The following DNAH8 variants were observed in gnomAD, a reference collection of about 807,000 sequenced individuals.
DNAH8 encodes the protein axonemal beta dynein heavy chain 8.
In DNAH8, 382 loss-of-function variants were observed where a neutral mutation model predicts 562.1. That is an observed-to-expected ratio of 0.68 (90% CI 0.63 to 0.74). The LOEUF is 0.74. DNAH8 is among the 30% of genes least tolerant of loss of function. The pLI is 0.00. For missense variants in DNAH8, 5,203 were observed against 5,620.4 expected, an observed-to-expected ratio of 0.93 and a Z score of 2.37; for synonymous variants, 1,881 against 1,919.4, an observed-to-expected ratio of 0.98 and a Z score of 0.52.
At chr6:38,951,964 C>T (rs1761938987) in intron 82 of DNAH8, among the ~76,000 whole-genome samples, 1 of 152,162 alleles carries the variant, frequency 6.6e-6, no homozygotes, top group Non-Finnish European at 1.5e-5. Context: ...AATAACCATT[C>T]AGTACAGGCA....
chr6:38,949,959 A>G (rs1281091551), intron 81 of DNAH8, among the ~76,000 whole-genome samples: 1 of 152,246 alleles, frequency 6.6e-6, no homozygotes, highest in Non-Finnish European at 1.5e-5. Context: ...TCACAAAGTT[A>G]CAAGACAATT....
In DNAH8 at chr6:38,823,663, T is replaced by C. The variant is rs1338876432; in HGVS notation, c.3822T>C (p.Val1274=). The C allele has an allele frequency of 6.2e-7, 1 of 1,602,410 alleles. No homozygotes were observed. The highest frequency in any genetic ancestry group is 1.7e-5 in the Admixed American group (1 of 59,728). ...TTGATGAGTTGAAGCCTATTATTGTTGTAGGAGCACTTGAATTACATACAG... is the reference window on the plus strand; with the variant it reads ...TTGATGAGTTGAAGCCTATTATTGTCGTAGGAGCACTTGAATTACATACAG... ...QEIDELKPII[V]VGALELHTEP... The change falls in exon 28 of 93, where the codon GTT becomes GTC. Residue 1274 remains valine (V), a synonymous_variant. Coordinates refer to ENST00000327475, the MANE Select transcript of DNAH8 (RefSeq NM_001206927.2).
At chr6:38,738,100 C>T (rs1469826445) in intron 7 of DNAH8, 128 bp downstream of exon 7, 9 of 932,914 alleles carry the variant, frequency 9.6e-6, no homozygotes, top group Non-Finnish European at 1.2e-5. Flanking sequence ...TAGTTTGAAA[C>T]TCAGCCAATT....
chr6:38,893,077 CT>C (rs570454955), intron 58 of DNAH8, among the ~76,000 whole-genome samples: 1 of 152,172 alleles, frequency 6.6e-6, no homozygotes, highest in Non-Finnish European at 1.5e-5. Context: ...GCTCTCCCCA[CT>C]GGAATAAAAG....
At chr6:38,974,637 A>C in intron 85 of DNAH8, 108 bp downstream of exon 85, 1 of 842,658 alleles carries the variant, frequency 1.2e-6, no homozygotes, top group Non-Finnish European at 1.9e-6. Flanking sequence ...CTGTCTCCTT[A>C]CTCTCTTTTC....
Position 38,873,505 on chromosome 6 carries a change from G to A in DNAH8, c.7620+129G>A, listed in dbSNP as rs185442702. The stretch of plus-strand genomic sequence containing the variant: ...ATCATTTGATGATGTGGCTGTAAAA[G>A]CTCTGATAATTTTGATTTCTATTAA... On this transcript the variant is annotated intron_variant, in intron 52 of 92. Transcript: ENST00000327475. The A allele has an allele frequency of 1.5e-3, 1,198 of 778,382 alleles. 38 individuals are homozygous for A. The Admixed American group carries it at 0.036, about 23-fold the overall frequency. The allele number at this position is 778,382 out of a possible 1,614,324, so 48.2% of individuals were successfully genotyped here. A position where few individuals can be genotyped will look rare whatever the true frequency, so the allele number is the denominator to read the frequency against.
rs770149516 is a variant in DNAH8, at chr6:38,875,720, A to G, written c.7750A>G (p.Arg2584Gly). 1.2e-6 allele frequency: 2 copies of G among 1,614,068 alleles called. No individual in the cohort carries two copies. Among genetic ancestry groups the G allele is most frequent in the Non-Finnish European group, 1.7e-6 (2 of 1,179,954 alleles). Residue 2584 changes from arginine (R) to glycine (G), a missense_variant, in exon 53 of 93, where the codon AGA (arginine) becomes GGA (glycine). Coordinates refer to ENST00000327475, the MANE Select transcript of DNAH8 (RefSeq NM_001206927.2). Reference sequence around the variant, plus strand: ...AGGAGCCCTTCTGGAATTAGAAAGCAGAGAAAAGCTTGAAGCCTTCTTACG... The same window carrying G: ...AGGAGCCCTTCTGGAATTAGAAAGCGGAGAAAAGCTTGAAGCCTTCTTACG... The part of the protein sequence containing the change: ...SLGALLELES[R>G]EKLEAFLRQH...
intron 73 of DNAH8, among the ~76,000 whole-genome samples, chr6:38,924,452 C>T (rs569531760): frequency 1.8e-4 from 27 of 152,010 alleles, no homozygotes; most frequent in African/African-American, 6.0e-4. Flanking sequence ...GCAATGGTTC[C>T]GAGATCACGC....
Position 39,008,939 on chromosome 6 carries a change from G to A in DNAH8, c.13340G>A (p.Ser4447Asn), listed in dbSNP as rs748451088. 35 of 1,611,598 alleles carry A rather than the reference G, an allele frequency of 2.2e-5. No individual in the cohort carries two copies. Among genetic ancestry groups the A allele is most frequent in the Non-Finnish European group, 2.8e-5 (33 of 1,178,116 alleles). The change falls in exon 89 of 93, where the codon AGT becomes AAT. Residue 4447 changes from serine (S) to asparagine (N), a missense_variant. This residue lies in a region of DNAH8 where 1,399 missense variants were observed against 1,518.4 expected (regional missense o/e 0.92). Coordinates refer to ENST00000327475, the MANE Select transcript of DNAH8 (RefSeq NM_001206927.2). ...IVYRLSEDML[S>N]KLPPDYIPHE... ...TATAGATTATCTGAAGATATGCTGA[G>A]TAAACTCCCTCCTGATTACATTCCT...
Position 38,737,130 on chromosome 6 carries a change from G to A in DNAH8, c.826G>A (p.Ala276Thr), listed in dbSNP as rs1221540853. ...CTTAAATGGAATTAGGGATATGTTG[G>A]CAAATATATTTCTACCAGCTGTTCT... Reference protein sequence around the residue: ...GLLNGIRDMLANIFLPAVLAT... With the variant: ...GLLNGIRDMLTNIFLPAVLAT... Residue 276 changes from alanine (A) to threonine (T), a missense_variant, in exon 6 of 93, where the codon GCA becomes ACA. By Grantham distance (58) the Ala-to-Thr change is moderately conservative (BLOSUM62 0). This residue lies in a region of DNAH8 where 556 missense variants were observed against 496.9 expected (regional missense o/e 1.12). Transcript: ENST00000327475. The A allele has an allele frequency of 5.0e-6, 8 of 1,586,912 alleles. No homozygotes were observed. Among genetic ancestry groups the A allele is most frequent in the Non-Finnish European group, 6.8e-6 (8 of 1,168,630 alleles).
In DNAH8 at chr6:38,723,448, G is replaced by T; in HGVS notation, c.502G>T (p.Glu168Ter). Residue 168 changes from glutamate (E) to a stop codon, truncating the protein, a stop_gained, in exon 3 of 93, where the codon GAA becomes TAA. Coordinates refer to ENST00000327475, the MANE Select transcript of DNAH8 (RefSeq NM_001206927.2). LOFTEE classifies it high-confidence loss of function. ...TGGCCTGGACATAGTAACTGTTGAA[G>T]AATTAATTTTGGATTGCCCATCTGT... Reference protein sequence around the residue: ...NLGLDIVTVEELILDCPSLEA... With the variant: ...NLGLDIVTVE 6.2e-7 allele frequency: 1 copy of T among 1,608,264 alleles called. No homozygotes were observed. Among genetic ancestry groups the T allele is most frequent in the Non-Finnish European group, 8.5e-7 (1 of 1,178,974 alleles).
intron 47 of DNAH8, among the ~76,000 whole-genome samples, chr6:38,867,231 A>ATGTGTGTGTGTG (rs70981595): frequency 0.011 from 1,578 of 148,400 alleles, 21 homozygotes; most frequent in South Asian, 0.026. Context: ...GTGTGTGTAT[A>ATGTGTGTGTGTG]TGTGTGTGTG....
intron 52 of DNAH8, among the ~76,000 whole-genome samples, chr6:38,875,066 TTGC>T (rs1406955577): frequency 6.6e-6 from 1 of 152,212 alleles, no homozygotes; most frequent in Admixed American, 6.5e-5. Context: ...CCACTCAGCT[TTGC>T]TGTTGTAGCA....
At chr6:38,984,797 C>G (rs945946511) in intron 87 of DNAH8, among the ~76,000 whole-genome samples, 1 of 151,888 alleles carries the variant, frequency 6.6e-6, no homozygotes, top group East Asian at 1.9e-4. Context: ...CTCAAAAAAA[C>G]AAAAACAAAA....
intron 8 of DNAH8, among the ~76,000 whole-genome samples, chr6:38,747,980 T>C (rs1218823962): frequency 1.3e-5 from 2 of 152,268 alleles, no homozygotes; most frequent in Non-Finnish European, 2.9e-5. Flanking sequence ...CCTTTGTTTT[T>C]ATTGCTGTAT....
chr6:38,988,462 G>A (rs1036531911), intron 87 of DNAH8, among the ~76,000 whole-genome samples: 1 of 152,130 alleles, frequency 6.6e-6, no homozygotes, highest in South Asian at 2.1e-4. Context: ...CCCCCTTAGG[G>A]TGTCTTCCTG....
chr6:38,855,090 A>C (rs1776086053), intron 41 of DNAH8, among the ~76,000 whole-genome samples: 1 of 150,940 alleles, frequency 6.6e-6, no homozygotes, highest in South Asian at 2.1e-4. Flanking sequence ...CACATATATT[A>C]AATTTTTTAA....
At chr6:39,002,231 C>T (rs1391975472) in intron 88 of DNAH8, among the ~76,000 whole-genome samples, 1 of 152,184 alleles carries the variant, frequency 6.6e-6, no homozygotes. Flanking sequence ...TGTAAGATGT[C>T]AGCCATGGTG....
intron 24 of DNAH8, among the ~76,000 whole-genome samples, chr6:38,808,084 T>C (rs1348131729): frequency 1.3e-5 from 2 of 152,226 alleles, no homozygotes; most frequent in Non-Finnish European, 2.9e-5. Flanking sequence ...GTGCTTGGTA[T>C]AATGTTTTTG....
Sources: allele counts gnomAD v4.1 joint callset (sites outside exome capture counted in the v4.1 genomes callset), GRCh38; gene constraint gnomAD v4.1.1; regional missense constraint gnomAD v4.1.1; transcripts MANE v1.5; gene names NCBI Gene and HGNC (gene_info 2026-07-23, HGNC 2026-07-21).